The following FAM20B variants were observed in gnomAD, a reference collection of about 807,000 sequenced individuals.
FAM20B encodes the protein FAM20B glycosaminoglycan xylosylkinase.
In FAM20B, 23 loss-of-function variants were observed where a neutral mutation model predicts 43.8. The observed-to-expected ratio is 0.53, with a 90% confidence interval of 0.38 to 0.74. The LOEUF (loss-of-function observed/expected upper bound fraction) is 0.74. FAM20B is among the 30% of genes least tolerant of loss of function. FAM20B has a pLI of 0.00. For missense variants in FAM20B, 440 were observed against 510.5 expected (o/e 0.86, Z 1.33); for synonymous variants, 178 against 192.4 (o/e 0.93, Z 0.62).
intron 1 of FAM20B, among the ~76,000 whole-genome samples, chr1:179,031,017 C>T (rs1649988893): frequency 6.6e-6 from 1 of 152,096 alleles, no homozygotes; most frequent in South Asian, 2.1e-4. Context: ...AGAGTGATCT[C>T]CTGTGTGGGC....
At chr1:179,058,782 A>C (rs1454311581) in intron 4 of FAM20B, among the ~76,000 whole-genome samples, 1 of 152,224 alleles carries the variant, frequency 6.6e-6, no homozygotes, top group Non-Finnish European at 1.5e-5. Flanking sequence ...TAAGAGAACT[A>C]AAGCAGGGAC....
chr1:179,041,135 G>T (rs1453343200), intron 1 of FAM20B, among the ~76,000 whole-genome samples: 15 of 149,028 alleles, frequency 1.0e-4, no homozygotes, highest in Non-Finnish European at 2.1e-4. Context: ...TCCTAGATGG[G>T]ATGGCGGCCG....
At chr1:179,035,914 G>A (rs1365175936) in intron 1 of FAM20B, among the ~76,000 whole-genome samples, 1 of 152,096 alleles carries the variant, frequency 6.6e-6, no homozygotes, top group Non-Finnish European at 1.5e-5. Context: ...CAGATCACTT[G>A]AGGTCAGGAG....
At chr1:179,060,059 A>T (rs1350515933) in intron 4 of FAM20B, among the ~76,000 whole-genome samples, 1 of 151,404 alleles carries the variant, frequency 6.6e-6, no homozygotes, top group Admixed American at 6.6e-5. Flanking sequence ...GCAACCTTTA[A>T]CTAGTAATTT....
At chr1:179,023,867 T>C (rs1649648401), upstream of FAM20B, among the ~76,000 whole-genome samples, 1 of 152,216 alleles carries the variant, frequency 6.6e-6, no homozygotes, top group Admixed American at 6.5e-5. Flanking sequence ...GCTAGTCATG[T>C]AAACGCCCTT....
Position 179,063,934 on chromosome 1 carries a change from T to TA in FAM20B, c.583dup (p.Thr195AsnfsTer19). On this transcript the variant is annotated frameshift_variant, in exon 5 of 8. Transcript: ENST00000263733. LOFTEE classifies it high-confidence loss of function. ...CTCCTTTCTGTCCTTTAGGAAACAA[T>TA]ACTTGTTTTTATGGGAAGTGCTATT... 6.2e-7 allele frequency: 1 copy of TA among 1,606,104 alleles called. No homozygotes were observed. Among genetic ancestry groups the TA allele is most frequent in the Non-Finnish European group, 8.5e-7 (1 of 1,175,648 alleles).
intron 1 of FAM20B, among the ~76,000 whole-genome samples, chr1:179,039,797 T>G (rs893739323): frequency 1.2e-4 from 18 of 151,736 alleles, no homozygotes; most frequent in Non-Finnish European, 1.9e-4. Flanking sequence ...TTTGGCAGGG[T>G]CATAGGACAA....
chr1:179,021,840 A>G (rs527529118), upstream of FAM20B, among the ~76,000 whole-genome samples: 1 of 152,376 alleles, frequency 6.6e-6, no homozygotes, highest in East Asian at 1.9e-4. Flanking sequence ...GGCACTGAGT[A>G]TATTTTAAGC....
chr1:179,021,511 T>C (rs1019433858), upstream of FAM20B, among the ~76,000 whole-genome samples: 1 of 152,208 alleles, frequency 6.6e-6, no homozygotes, highest in African/African-American at 2.4e-5. Context: ...CCTGGACATT[T>C]ACTGAAGCGT....
At chr1:179,030,012 C>T (rs1421568860) in intron 1 of FAM20B, among the ~76,000 whole-genome samples, 1 of 152,148 alleles carries the variant, frequency 6.6e-6, no homozygotes, top group African/African-American at 2.4e-5. Context: ...CAGTCTTTGT[C>T]TTCTTTCAGT....
At chr1:179,041,760 G>A (rs1283163202) in intron 1 of FAM20B, among the ~76,000 whole-genome samples, 2 of 152,006 alleles carry the variant, frequency 1.3e-5, no homozygotes, top group Middle Eastern at 3.4e-3. Context: ...GGAAAGGGGA[G>A]AGGGGAGAGG....
intron 3 of FAM20B, 55 bp from the exon 4 acceptor site, chr1:179,054,474 C>G: frequency 8.8e-7 from 1 of 1,135,662 alleles, no homozygotes; most frequent in Non-Finnish European, 1.3e-6. Context: ...AAGACTGTTA[C>G]TTAAAAAACA....
At chr1:179,049,443 C>T (rs1049508988) in intron 2 of FAM20B, among the ~76,000 whole-genome samples, 1 of 152,174 alleles carries the variant, frequency 6.6e-6, no homozygotes, top group Non-Finnish European at 1.5e-5. Flanking sequence ...TTCAAAAGCG[C>T]TGTTGCCTTC....
chr1:179,020,154 T>TAC, the FAM20B span, among the ~76,000 whole-genome samples: 2,894 of 148,674 alleles, frequency 0.019, 32 homozygotes, highest in East Asian at 0.036. Context: ...TGTGTGTGTA[T>TAC]ACACACACAC....
intron 1 of FAM20B, among the ~76,000 whole-genome samples, chr1:179,034,535 C>T (rs1035889553): frequency 1.3e-5 from 2 of 152,160 alleles, no homozygotes; most frequent in Non-Finnish European, 2.9e-5. Context: ...ATGTTTGGCC[C>T]TGACTCCACC....
chr1:179,033,469 A>C (rs1650090829), intron 1 of FAM20B, among the ~76,000 whole-genome samples: 3 of 152,182 alleles, frequency 2.0e-5, no homozygotes, highest in Admixed American at 2.0e-4. Flanking sequence ...AATTTATCAA[A>C]CCAATTTTTA....
chr1:179,064,197 C>A, intron 5 of FAM20B, 99 bp downstream of exon 5: 4 of 1,419,678 alleles, frequency 2.8e-6, no homozygotes, highest in South Asian at 1.3e-5. Context: ...GTGAAAAGAA[C>A]TGTGGAGTCA....
chr1:179,046,359 A>G (rs369677279), intron 2 of FAM20B, among the ~76,000 whole-genome samples: 9 of 152,236 alleles, frequency 5.9e-5, no homozygotes, highest in Admixed American at 3.3e-4. Flanking sequence ...AAATTTGTAT[A>G]TAAAGAGATG....
At chr1:179,039,428 G>C (rs1251760710) in intron 1 of FAM20B, among the ~76,000 whole-genome samples, 2 of 152,162 alleles carry the variant, frequency 1.3e-5, no homozygotes, top group Non-Finnish European at 2.9e-5. Context: ...TTATATGCTT[G>C]ACCATTCCAG....
Sources: allele counts gnomAD v4.1 joint callset (sites outside exome capture counted in the v4.1 genomes callset), GRCh38; gene constraint gnomAD v4.1.1; transcripts MANE v1.5; gene names NCBI Gene and HGNC (gene_info 2026-07-23, HGNC 2026-07-21).